The following CCL28 variants were observed in gnomAD, a reference collection of about 807,000 sequenced individuals.
CCL28 encodes C-C motif chemokine ligand 28.
CCL28 carries 4 observed loss-of-function variants against 7.1 expected under a neutral mutation model. The observed-to-expected ratio is 0.56, with a 90% CI of 0.28 to 1.29. The LOEUF is 1.29. Among genes scored for constraint, CCL28 ranks in the 50% most tolerant of loss-of-function variants. The probability of loss-of-function intolerance (pLI) is 0.11; values close to 1 mark genes in which losing one functional copy is unlikely to be tolerated. For missense variants in CCL28, 151 were observed against 163.4 expected (o/e 0.92, Z 0.41); for synonymous variants, 55 against 57.8 (o/e 0.95, Z 0.22).
chr5:43,393,828 C>A (rs1304390862), intron 1 of CCL28, among the ~76,000 whole-genome samples: 1 of 152,178 alleles, frequency 6.6e-6, no homozygotes, highest in Non-Finnish European at 1.5e-5. Flanking sequence ...TTTTTAAAAA[C>A]ACCTCTGGAT....
chr5:43,393,818 T>C (rs555966244), intron 1 of CCL28, among the ~76,000 whole-genome samples: 7 of 152,354 alleles, frequency 4.6e-5, no homozygotes, highest in African/African-American at 1.2e-4. Context: ...TCCAGATGTA[T>C]TTTTAAAAAC....
rs1373021344 is a variant in CCL28 at position 43,403,540 on chromosome 5, C to T, written c.64+8713G>A. On this transcript the variant is annotated intron_variant, in intron 1 of 2. Transcript: ENST00000361115. ...ACCATCATCAAAGACCAAAGGTAGA[C>T]AAAACCACAAAAATGGAGAAAAAAC... Among the ~76,000 whole-genome samples, 5 of 152,234 alleles carry T rather than the reference C, an allele frequency of 3.3e-5. No individual in the cohort carries two copies. The East Asian group carries it at 9.6e-4, about 29-fold the overall frequency.
intron 2 of CCL28, among the ~76,000 whole-genome samples, chr5:43,386,798 C>T (rs1231274693): frequency 6.6e-6 from 1 of 152,148 alleles, no homozygotes; most frequent in Non-Finnish European, 1.5e-5. Flanking sequence ...GGATAAATCC[C>T]TCTGAAAGGG....
At chr5:43,393,021 C>T (rs1740641628) in intron 1 of CCL28, among the ~76,000 whole-genome samples, 1 of 152,014 alleles carries the variant, frequency 6.6e-6, no homozygotes. Context: ...AAAAGCAAAG[C>T]TTTTTTACCC....
chr5:43,401,992 G>A (rs1741058630), intron 1 of CCL28, among the ~76,000 whole-genome samples: 2 of 152,160 alleles, frequency 1.3e-5, no homozygotes, highest in South Asian at 2.1e-4. Flanking sequence ...TCAGTGCATG[G>A]CAACTAGCAG....
At chr5:43,403,707 A>G (rs1293929779) in intron 1 of CCL28, among the ~76,000 whole-genome samples, 1 of 152,066 alleles carries the variant, frequency 6.6e-6, no homozygotes, top group African/African-American at 2.4e-5. Context: ...TGATCAAACT[A>G]CTCCGAGCTA....
Position 43,381,859 on chromosome 5 carries a change from TCTAATAAGGAGTTTTATGGC to T in CCL28, c.365_384del (p.Gly122GlufsTer18). 1.2e-6 allele frequency: 2 copies of T among 1,611,346 alleles called. No individual in the cohort carries two copies. The highest frequency in any genetic ancestry group is 1.7e-6 in the Non-Finnish European group (2 of 1,178,102). ...TCTCTGTAGATTTATCTGTAGACTC[TCTAATAAGGAGTTTTATGGC>T]CGTATGTTTCGTGTTTCCCCTGATG... On this transcript the variant is annotated frameshift_variant and stop_lost, in exon 3 of 3. Coordinates refer to ENST00000361115, the MANE Select transcript of CCL28 (RefSeq NM_148672.3). LOFTEE classifies it high-confidence loss of function.
At chr5:43,393,051 G>C (rs974823977) in intron 1 of CCL28, among the ~76,000 whole-genome samples, 3 of 151,960 alleles carry the variant, frequency 2.0e-5, no homozygotes, top group African/African-American at 7.3e-5. Flanking sequence ...ATTTTTTATA[G>C]ATTGTGAGTC....
At chr5:43,407,217 G>A (rs550404658) in intron 1 of CCL28, among the ~76,000 whole-genome samples, 131 of 152,248 alleles carry the variant, frequency 8.6e-4, no homozygotes, top group Admixed American at 6.5e-4. Flanking sequence ...AAAGCTGGAG[G>A]CATCACACTA....
At chr5:43,406,831 T>G (rs1741301086) in intron 1 of CCL28, among the ~76,000 whole-genome samples, 1 of 152,138 alleles carries the variant, frequency 6.6e-6, no homozygotes, top group Non-Finnish European at 1.5e-5. Context: ...ATCACAAGCA[T>G]TCCTATACAC....
chr5:43,404,692 C>T lies in CCL28; in HGVS notation c.64+7561G>A, dbSNP rs181651144. ...TTAAATGTAATTGGGCTAAATGCTC[C>T]AATTAAAAGACACAGACTGGCAAAC... On this transcript the variant is annotated intron_variant, in intron 1 of 2. Coordinates refer to ENST00000361115, the MANE Select transcript of CCL28 (RefSeq NM_148672.3). Among the ~76,000 whole-genome samples, 278 of 152,174 alleles carry T rather than the reference C, an allele frequency of 1.8e-3. 2 individuals are homozygous for T. The highest frequency in any genetic ancestry group is 6.5e-3 in the African/African-American group (268 of 41,526).
chr5:43,409,513 T>C (rs1049882351), intron 1 of CCL28, among the ~76,000 whole-genome samples: 4 of 152,098 alleles, frequency 2.6e-5, no homozygotes, highest in Admixed American at 6.6e-5. Flanking sequence ...GGGACCACAA[T>C]TGGAGTCCCA....
chr5:43,391,758 T>A (rs1740582271), intron 1 of CCL28, among the ~76,000 whole-genome samples: 3 of 152,118 alleles, frequency 2.0e-5, no homozygotes. Flanking sequence ...AACTGCCATG[T>A]GTGAATTAAT....
At chr5:43,399,742 C>T (rs761041461) in intron 1 of CCL28, among the ~76,000 whole-genome samples, 1 of 152,022 alleles carries the variant, frequency 6.6e-6, no homozygotes, top group Non-Finnish European at 1.5e-5. Flanking sequence ...AATAAGGGGT[C>T]AGTCAATATG....
chr5:43,383,960 C>T lies in CCL28; in HGVS notation c.192-1908G>A, dbSNP rs532213315. On this transcript the variant is annotated intron_variant, in intron 2 of 2. Transcript: ENST00000361115. ...CAAAAATTAGCTGGGCATGGTGGCA[C>T]GCACCTGTAATCCCAGCTACTTGGA... is the stretch of plus-strand genomic sequence containing the variant. 17 of 172,198 alleles carry T rather than the reference C, an allele frequency of 9.9e-5. No individual in the cohort carries two copies. The East Asian group carries it at 2.8e-3, about 28-fold the overall frequency. 10.7% of individuals were successfully genotyped at this position (172,198 alleles called of 1,614,324 possible).
the CCL28 span, among the ~76,000 whole-genome samples, chr5:43,358,289 T>C: frequency 6.6e-6 from 1 of 152,338 alleles, no homozygotes; most frequent in South Asian, 2.1e-4. Flanking sequence ...CAAAGTAGAA[T>C]GAGTGTTGCC....
At chr5:43,377,676 C>G (rs901460171), downstream of CCL28, among the ~76,000 whole-genome samples, 2 of 130,164 alleles carry the variant, frequency 1.5e-5, no homozygotes, top group Non-Finnish European at 3.1e-5. Context: ...ATACTTTAAG[C>G]GTTTCATTTG....
the CCL28 span, among the ~76,000 whole-genome samples, chr5:43,366,849 G>A: frequency 6.6e-6 from 1 of 152,242 alleles, no homozygotes; most frequent in African/African-American, 2.4e-5. Flanking sequence ...CCCTGCCAGA[G>A]AGGAGGAGTC....
intron 2 of CCL28, among the ~76,000 whole-genome samples, chr5:43,386,519 T>C (rs1740342313): frequency 6.6e-6 from 1 of 152,212 alleles, no homozygotes; most frequent in African/African-American, 2.4e-5. Context: ...AAGACACTCA[T>C]GCTTAATACA....
Sources: gnomAD v4.1 joint callset for allele counts (sites outside exome capture counted in the v4.1 genomes callset) on GRCh38, gnomAD v4.1.1 for gene constraint, MANE v1.5 for transcripts, NCBI Gene and HGNC (gene_info 2026-07-23, HGNC 2026-07-21) for gene names.